Variants in CDKL5 observed in about 807,000 individuals in gnomAD.
CDKL5 encodes cyclin-dependent kinase-like 5.
Under a neutral mutation model 61.7 loss-of-function variants are expected in CDKL5, and 8 were observed. The ratio of observed to expected loss-of-function variants is 0.13; its 90% CI spans 0.08 to 0.23. The LOEUF (loss-of-function observed/expected upper bound fraction) is 0.23. Among genes scored for constraint, CDKL5 ranks in the 10% least tolerant of loss-of-function variants. The probability of loss-of-function intolerance (pLI) is 1.00; values close to 1 mark genes in which losing one functional copy is unlikely to be tolerated. For missense variants in CDKL5, 440 were observed against 734.5 expected, an observed-to-expected ratio of 0.60 and a Z score of 4.63; for synonymous variants, 275 against 272.3, an observed-to-expected ratio of 1.01 and a Z score of -0.10.
chrX:18,610,759 A>G (rs1237182927), intron 14 of CDKL5, among the ~76,000 whole-genome samples: 1 of 112,431 alleles, frequency 8.9e-6, no homozygotes, highest in Non-Finnish European at 1.9e-5. Context: ...GGGCATTCCA[A>G]CACCCTGGTG....
chrX:18,563,664 A>G (rs73636682), intron 3 of CDKL5, among the ~76,000 whole-genome samples: 10,144 of 111,559 alleles, frequency 0.091, 938 homozygotes, highest in African/African-American at 0.27. Flanking sequence ...TCCCCACTTA[A>G]AGTAAAAAAG....
rs1416715967 is a variant in CDKL5 at position 18,631,620 on chromosome X, G to A, written c.*2863G>A. On this transcript the variant is annotated 3_prime_UTR_variant, in exon 18 of 18. Coordinates refer to ENST00000623535, the MANE Select transcript of CDKL5 (RefSeq NM_001323289.2). The stretch of plus-strand genomic sequence containing the variant: ...TGACATCCATGTCCTATTATCGGCC[G>A]TAACTTCCTAAAGAAGAAAAAGGGT... 24 of 754,136 alleles carry A rather than the reference G, an allele frequency of 3.2e-5. No individual in the cohort carries two copies. Among genetic ancestry groups the A allele is most frequent in the South Asian group, 6.7e-5 (1 of 14,866 alleles). 62.1% of individuals were successfully genotyped at this position (754,136 alleles called of 1,213,427 possible). A position where few individuals can be genotyped will look rare whatever the true frequency, so the allele number is the denominator to read the frequency against.
At chrX:18,620,540 C>T (rs1392608808) in intron 16 of CDKL5, among the ~76,000 whole-genome samples, 1 of 110,898 alleles carries the variant, frequency 9.0e-6, no homozygotes, top group Non-Finnish European at 1.9e-5. Flanking sequence ...GAGCCCTTTG[C>T]CTGAACAAAG....
chrX:18,455,313 C>G (rs978949489), intron 1 of CDKL5, among the ~76,000 whole-genome samples: 9 of 112,227 alleles, frequency 8.0e-5, no homozygotes, highest in Non-Finnish European at 1.5e-4. Flanking sequence ...GTAATTTTTA[C>G]AAAATTGGCA....
intron 1 of CDKL5, among the ~76,000 whole-genome samples, chrX:18,501,010 T>G (rs1311464926): frequency 1.8e-5 from 2 of 110,767 alleles, no homozygotes; most frequent in African/African-American, 6.6e-5. Context: ...GGCTAATTTT[T>G]TGGTATTTTA....
At chrX:18,475,612 T>A (rs1010189901) in intron 1 of CDKL5, among the ~76,000 whole-genome samples, 1 of 112,608 alleles carries the variant, frequency 8.9e-6, no homozygotes, top group Non-Finnish European at 1.9e-5. Flanking sequence ...TTTGTAATTT[T>A]GTAAGAACAT....
intron 1 of CDKL5, among the ~76,000 whole-genome samples, chrX:18,442,625 C>T (rs1403242564): frequency 9.0e-6 from 1 of 111,116 alleles, no homozygotes; most frequent in Non-Finnish European, 1.9e-5. Flanking sequence ...TCCCGAGTAG[C>T]TGGGACTACA....
intron 1 of CDKL5, among the ~76,000 whole-genome samples, chrX:18,480,918 C>T (rs1453408708): frequency 9.8e-5 from 10 of 101,878 alleles, no homozygotes; most frequent in Non-Finnish European, 2.0e-5. Flanking sequence ...AGTGCGGTGG[C>T]GTGATCTCCG....
chrX:18,650,649 C>CGAG, intron 21 of CDKL5: 1 of 1,149,050 alleles, frequency 8.7e-7, no homozygotes. Flanking sequence ...CGGAATTGCC[C>CGAG]GAGGAGCTGT....
chrX:18,591,498 C>T (rs375326775), intron 9 of CDKL5, among the ~76,000 whole-genome samples: 25 of 111,000 alleles, frequency 2.3e-4, no homozygotes, highest in Non-Finnish European at 3.6e-4. Flanking sequence ...ATAGATCCCC[C>T]GATCTTTCTC....
chrX:18,514,445 G>C (rs1224103351), intron 3 of CDKL5, among the ~76,000 whole-genome samples: 1 of 111,367 alleles, frequency 9.0e-6, no homozygotes, highest in Non-Finnish European at 1.9e-5. Context: ...AGTGGCTCAC[G>C]CCTGTAATCC....
intron 3 of CDKL5, among the ~76,000 whole-genome samples, chrX:18,556,200 T>TA (rs1310849007): frequency 8.9e-6 from 1 of 112,153 alleles, no homozygotes; most frequent in Non-Finnish European, 1.9e-5. Flanking sequence ...GTAAAAAAGA[T>TA]AAAGATGGAA....
At chrX:18,463,955 T>G in intron 1 of CDKL5, among the ~76,000 whole-genome samples, 1 of 111,628 alleles carries the variant, frequency 9.0e-6, no homozygotes, top group Middle Eastern at 4.6e-3. Context: ...TGCCCATTTC[T>G]TAGTTTTGTG....
chrX:18,599,205 G>C (rs1435875776), intron 11 of CDKL5, among the ~76,000 whole-genome samples: 1 of 112,076 alleles, frequency 8.9e-6, no homozygotes, highest in African/African-American at 3.2e-5. Flanking sequence ...TTTTTTCAAA[G>C]CCTGTTTCCT....
chrX:18,629,416 A>G lies in CDKL5; in HGVS notation c.*659A>G. 1.5e-6 allele frequency: 1 copy of G among 663,409 alleles called. No individual in the cohort carries two copies. The highest frequency in any genetic ancestry group is 7.8e-5 in the South Asian group (1 of 12,867). 54.7% of individuals were successfully genotyped at this position (663,409 alleles called of 1,213,427 possible). A position where few individuals can be genotyped will look rare whatever the true frequency, so the allele number is the denominator to read the frequency against. On this transcript the variant is annotated 3_prime_UTR_variant, in exon 18 of 18. Transcript: ENST00000623535. The stretch of plus-strand genomic sequence containing the variant: ...TAGTTTCTATAAAAACTAAACAGTA[A>G]CATTTATATATTGCATCAGGAGTAT...
intron 1 of CDKL5, among the ~76,000 whole-genome samples, chrX:18,494,845 TAAATC>T (rs1325814264): frequency 1.8e-5 from 2 of 112,139 alleles, no homozygotes; most frequent in Non-Finnish European, 3.8e-5. Context: ...GATGGATTGA[TAAATC>T]AAGTTACTCT....
At chrX:18,579,409 CTAAGAA>C (rs1483466041) in intron 5 of CDKL5, among the ~76,000 whole-genome samples, 2 of 109,999 alleles carry the variant, frequency 1.8e-5, no homozygotes, top group Non-Finnish European at 3.8e-5. Flanking sequence ...TTTTTTTCTA[CTAAGAA>C]TATTTCGTGG....
At chrX:18,570,545 T>C (rs1423422255) in intron 4 of CDKL5, among the ~76,000 whole-genome samples, 1 of 111,425 alleles carries the variant, frequency 9.0e-6, no homozygotes, top group Non-Finnish European at 1.9e-5. Context: ...CCCCGTGGTT[T>C]TGATCAAGGA....
rs898129260 is a variant in CDKL5 at position 18,620,984 on chromosome X, C to T, written c.2376+1018C>T. Among the ~76,000 whole-genome samples, 4 of 112,159 alleles carry T rather than the reference C, an allele frequency of 3.6e-5. No individual in the cohort carries two copies. The Admixed American group carries it at 3.8e-4, about 11-fold the overall frequency. ...CGAACTCCTGAGCTCAAGCAATCTGCCCACTTAGGCCTCCCAAAGTGCTAG... is the reference window on the plus strand; with the variant it reads ...CGAACTCCTGAGCTCAAGCAATCTGTCCACTTAGGCCTCCCAAAGTGCTAG... On this transcript the variant is annotated intron_variant, in intron 16 of 17. Transcript: ENST00000623535.
Sources: allele counts gnomAD v4.1 joint callset (sites outside exome capture counted in the v4.1 genomes callset), GRCh38; gene constraint gnomAD v4.1.1; transcripts MANE v1.5; gene names NCBI Gene and HGNC (gene_info 2026-07-23, HGNC 2026-07-21).